CTTNBP2: variants seen among roughly 807,000 people sequenced by gnomAD.
CTTNBP2 encodes cortactin binding protein 2, also known as cortactin-binding protein 2.
Under a neutral mutation model 156.9 loss-of-function variants are expected in CTTNBP2, and 108 were observed. The observed-to-expected ratio is 0.69, with a 90% CI of 0.59 to 0.81. The LOEUF (loss-of-function observed/expected upper bound fraction) is 0.81. Ranked by LOEUF, CTTNBP2 falls within the 30% of genes least tolerant of loss-of-function variation. The pLI is 0.00. For missense variants in CTTNBP2, 1,924 were observed against 2,035.4 expected (o/e 0.95, Z 1.05); for synonymous variants, 767 against 751.8 (o/e 1.02, Z -0.33).
chr7:117,864,352 C>A (rs1378712988), intron 1 of CTTNBP2, among the ~76,000 whole-genome samples: 1 of 152,098 alleles, frequency 6.6e-6, no homozygotes, highest in African/African-American at 2.4e-5. Flanking sequence ...TCTCTTCCCT[C>A]TATGACTCCA....
intron 3 of CTTNBP2, among the ~76,000 whole-genome samples, chr7:117,808,204 A>G (rs1037446710): frequency 6.6e-6 from 1 of 152,164 alleles, no homozygotes; most frequent in African/African-American, 2.4e-5. Context: ...AATGCGAAGA[A>G]AATGTTTGAA....
chr7:117,773,459 G>A (rs773577114), intron 8 of CTTNBP2, among the ~76,000 whole-genome samples: 1 of 152,098 alleles, frequency 6.6e-6, no homozygotes, highest in Non-Finnish European at 1.5e-5. Flanking sequence ...GAGGACAGTG[G>A]GACTGCCCAG....
intron 5 of CTTNBP2, 114 bp downstream of exon 5, chr7:117,784,137 C>T (rs1219828480): frequency 2.7e-6 from 2 of 748,272 alleles, no homozygotes; most frequent in Non-Finnish European, 4.2e-6. Context: ...TCCATTACCA[C>T]CTGTAAAAGA....
At chr7:117,828,511 TATTTCAGATC>T (rs1162049021) in intron 2 of CTTNBP2, among the ~76,000 whole-genome samples, 1 of 152,178 alleles carries the variant, frequency 6.6e-6, no homozygotes, top group African/African-American at 2.4e-5. Context: ...GGTAAGAATC[TATTTCAGATC>T]ATGCTATTTT....
chr7:117,792,072 G>A lies in CTTNBP2; in HGVS notation c.1124C>T (p.Pro375Leu), dbSNP rs1446212099. The A allele has an allele frequency of 8.7e-6, 14 of 1,614,134 alleles. No homozygotes were observed. The East Asian group carries it at 3.1e-4, about 36-fold the overall frequency. The change falls in exon 4 of 23, where the codon CCT becomes CTT. Residue 375 changes from proline (P) to leucine (L), a missense_variant. By Grantham distance (98) the Pro-to-Leu change is moderately conservative (BLOSUM62 -3). Coordinates refer to ENST00000160373, the MANE Select transcript of CTTNBP2 (RefSeq NM_033427.3). The surrounding 1 kb of genome is among the most constrained non-coding windows in gnomAD (Gnocchi z 4.2). ...TTCCTCAATTTTGTTTGCACTTGGA[G>A]GTGGGAAAGCGGGTACAGAAGCGCC... ...LIGASVPAFP[P>L]PSANKIEENG...
chr7:117,757,352 A>G (rs1455768899), intron 11 of CTTNBP2, among the ~76,000 whole-genome samples: 3 of 152,024 alleles, frequency 2.0e-5, no homozygotes, highest in South Asian at 4.1e-4. Flanking sequence ...CAGAGCCTCA[A>G]TTTCCTTGGA....
At chr7:117,869,798 A>G (rs959640939) in intron 1 of CTTNBP2, among the ~76,000 whole-genome samples, 1 of 74,700 alleles carries the variant, frequency 1.3e-5, no homozygotes, top group Non-Finnish European at 3.3e-5. Context: ...TTTAAGAAGA[A>G]AAAAAAAAGA....
intron 4 of CTTNBP2, among the ~76,000 whole-genome samples, chr7:117,784,807 TA>T (rs1228482753): frequency 2.0e-5 from 3 of 152,228 alleles, no homozygotes; most frequent in African/African-American, 7.2e-5. Context: ...ATTTGAATTT[TA>T]AAATGTAAAG....
In CTTNBP2 at chr7:117,719,630, T is replaced by TAAAG; in HGVS notation, c.4514_4517dup (p.Leu1506PhefsTer5). The TAAAG allele has an allele frequency of 6.2e-7, 1 of 1,612,140 alleles. No individual in the cohort carries two copies. The highest frequency in any genetic ancestry group is 2.2e-5 in the East Asian group (1 of 44,814). ...TCAACGTCAGTGATAGATCATTCTC[T>TAAAG]AAAGACCTAACACAAAGTTCAGAAA... On this transcript the variant is annotated frameshift_variant, in exon 21 of 23. Coordinates refer to ENST00000160373, the MANE Select transcript of CTTNBP2 (RefSeq NM_033427.3). LOFTEE classifies it high-confidence loss of function.
At chr7:117,720,553 G>A (rs1274591569) in intron 20 of CTTNBP2, among the ~76,000 whole-genome samples, 1 of 152,012 alleles carries the variant, frequency 6.6e-6, no homozygotes, top group East Asian at 1.9e-4. Flanking sequence ...AATTAGCCAG[G>A]CACGGTGGCA....
chr7:117,849,512 C>T (rs1416080007), intron 2 of CTTNBP2, among the ~76,000 whole-genome samples: 1 of 152,216 alleles, frequency 6.6e-6, no homozygotes, highest in East Asian at 1.9e-4. Context: ...GCACTGCCTA[C>T]CAGGCTAAGC....
chr7:117,863,279 A>T (rs1424080066), intron 1 of CTTNBP2, among the ~76,000 whole-genome samples: 1 of 152,228 alleles, frequency 6.6e-6, no homozygotes, highest in Non-Finnish European at 1.5e-5. Context: ...AGCGCTAAGG[A>T]TAAAGAGAAA....
intron 15 of CTTNBP2, 39 bp downstream of exon 15, chr7:117,735,230 G>A (rs777183615): frequency 6.2e-7 from 1 of 1,602,450 alleles, no homozygotes; most frequent in Non-Finnish European, 8.5e-7. Flanking sequence ...GAATATTACA[G>A]AAGCTTGCTT....
intron 3 of CTTNBP2, among the ~76,000 whole-genome samples, chr7:117,799,838 C>T (rs1166235275): frequency 6.6e-6 from 1 of 151,804 alleles, no homozygotes; most frequent in Non-Finnish European, 1.5e-5. Flanking sequence ...TGTGAACATA[C>T]AAAGTCAATT....
chr7:117,714,479 AGTT>A (rs1222933264), intron 22 of CTTNBP2, among the ~76,000 whole-genome samples: 2 of 152,154 alleles, frequency 1.3e-5, no homozygotes, highest in Non-Finnish European at 2.9e-5. Context: ...TGGTGAGGGG[AGTT>A]GTTTAATTTT....
chr7:117,872,421 C>CTGCAGCTCCT (rs927219052), intron 1 of CTTNBP2, among the ~76,000 whole-genome samples: 1 of 152,206 alleles, frequency 6.6e-6, no homozygotes, highest in African/African-American at 2.4e-5. Context: ...CTGCCTTTCT[C>CTGCAGCTCCT]TGCAGCTCCT....
At position 117,777,529 on chromosome 7, in the gene CTTNBP2, A is replaced by G. The variant is rs559857978; in HGVS notation, c.2760T>C (p.Ala920=). 1.0e-4 allele frequency: 165 copies of G among 1,613,300 alleles called. 3 individuals carry two copies. In the South Asian group the frequency reaches 1.7e-3, roughly 17 times the overall value. ...NREGWTAAHI[A]ASKGFKNCLE... The stretch of plus-strand genomic sequence containing the variant: ...GACACACCTTAAAACCTTTGGAAGC[A>G]GCAATGTGGGCAGCAGTCCAGCCTT... Residue 920 remains alanine, a synonymous_variant, in exon 8 of 23, where the codon GCT becomes GCC. Coordinates refer to ENST00000160373, the MANE Select transcript of CTTNBP2 (RefSeq NM_033427.3).
At chr7:117,748,539 C>T (rs768768681) in intron 12 of CTTNBP2, among the ~76,000 whole-genome samples, 20 of 152,194 alleles carry the variant, frequency 1.3e-4, no homozygotes, top group Non-Finnish European at 1.9e-4. Flanking sequence ...TCAAGTTAGT[C>T]TTGCACAACA....
rs183132844 is a variant in CTTNBP2, at chr7:117,731,319, G to A, written c.3877-3052C>T. On this transcript the variant is annotated intron_variant, in intron 16 of 22. Coordinates refer to ENST00000160373, the MANE Select transcript of CTTNBP2 (RefSeq NM_033427.3). ...ATACAATTAACTTAAAAGCCTGAGG[G>A]AAAGCCGGGCATTTGGATGTACAAC... is the stretch of plus-strand genomic sequence containing the variant. 1.4e-3 allele frequency among the ~76,000 whole-genome samples: 220 copies of A among 152,320 alleles called. 1 individual carries two copies. The highest frequency in any genetic ancestry group is 4.8e-3 in the African/African-American group (198 of 41,578).
Sources: allele counts gnomAD v4.1 joint callset (sites outside exome capture counted in the v4.1 genomes callset), GRCh38; gene constraint gnomAD v4.1.1; non-coding constraint Gnocchi (gnomAD v3.1); transcripts MANE v1.5; gene names NCBI Gene and HGNC (gene_info 2026-07-23, HGNC 2026-07-21).